LPCAT3: variants seen among roughly 807,000 people sequenced by gnomAD.
The protein encoded by LPCAT3 is lysophospholipid acyltransferase 5.
Under a neutral mutation model 63.4 loss-of-function variants are expected in LPCAT3, and 21 were observed. That is an observed-to-expected ratio of 0.33 (90% CI 0.23 to 0.48). The LOEUF is 0.48. LPCAT3 is among the 20% of genes least tolerant of loss of function. LPCAT3 has a pLI of 0.99. For missense variants in LPCAT3, 451 were observed against 590.6 expected, an observed-to-expected ratio of 0.76 and a Z score of 2.45; for synonymous variants, 242 against 227.5, an observed-to-expected ratio of 1.06 and a Z score of -0.58.
chr12:7,003,119 G>A (rs1565604861), intron 1 of LPCAT3, among the ~76,000 whole-genome samples: 1 of 152,054 alleles, frequency 6.6e-6, no homozygotes, highest in Non-Finnish European at 1.5e-5. Context: ...AGTAAAAATG[G>A]GCAAAGCACA....
intron 2 of LPCAT3, 196 bp downstream of exon 2, chr12:6,983,235 GT>G: frequency 1.9e-6 from 1 of 515,490 alleles, no homozygotes; most frequent in Non-Finnish European, 3.5e-6. Context: ...CCCTCAAAAT[GT>G]TTTTATCTGA....
intron 1 of LPCAT3, among the ~76,000 whole-genome samples, chr12:6,991,103 T>G (rs1248122556): frequency 6.6e-6 from 1 of 152,182 alleles, no homozygotes; most frequent in Non-Finnish European, 1.5e-5. Flanking sequence ...AGAATGCCAC[T>G]GTTTTACATT....
rs782113681 is a variant in LPCAT3 at position 6,980,999 on chromosome 12, A to G, written c.677+5T>C. On this transcript the variant is annotated splice_donor_5th_base_variant and intron_variant, in intron 6 of 12. Coordinates refer to ENST00000261407, the MANE Select transcript of LPCAT3 (RefSeq NM_005768.6). ...ACAAACATCTGGACCAAGAGGGGCAATTACCTGTTTGGTATCTTTCCTGGT... is the reference window on the plus strand; with the variant it reads ...ACAAACATCTGGACCAAGAGGGGCAGTTACCTGTTTGGTATCTTTCCTGGT... 1 of 1,582,562 alleles carries G rather than the reference A, an allele frequency of 6.3e-7. No homozygotes were observed. The highest frequency in any genetic ancestry group is 1.4e-5 in the African/African-American group (1 of 73,370).
At chr12:7,011,366 C>G (rs1317230804) in intron 1 of LPCAT3, among the ~76,000 whole-genome samples, 1 of 152,114 alleles carries the variant, frequency 6.6e-6, no homozygotes, top group East Asian at 1.9e-4. Flanking sequence ...AAATTCTTGG[C>G]CAGGGGCAAT....
At position 7,014,074 on chromosome 12, in the gene LPCAT3, A is replaced by G. The variant is rs148860008; in HGVS notation, c.151+4200T>C. Among the ~76,000 whole-genome samples, 260 of 152,350 alleles carry G rather than the reference A, an allele frequency of 1.7e-3. 1 individual carries two copies. In the South Asian group the frequency reaches 0.031, roughly 18 times the overall value. ...CTCATGCTATTCCTTAAGTCTTACC[A>G]TCTCAGCATGCTGAAACCTTACTCA... On this transcript the variant is annotated intron_variant, in intron 1 of 12. Transcript: ENST00000261407.
At chr12:6,994,012 C>A (rs1016541329) in intron 1 of LPCAT3, among the ~76,000 whole-genome samples, 3 of 152,172 alleles carry the variant, frequency 2.0e-5, no homozygotes, top group Non-Finnish European at 4.4e-5. Flanking sequence ...AACATTCATG[C>A]ATTTTGTAGA....
chr12:6,999,456 A>G (rs782474811), intron 1 of LPCAT3, among the ~76,000 whole-genome samples: 1 of 152,230 alleles, frequency 6.6e-6, no homozygotes, highest in Non-Finnish European at 1.5e-5. Flanking sequence ...CAACCCAGCC[A>G]AACAACCTAA....
chr12:6,983,687 A>G (rs1946494651), intron 1 of LPCAT3, 148 bp from the exon 2 acceptor site: 3 of 599,550 alleles, frequency 5.0e-6, no homozygotes, highest in Admixed American at 3.3e-5. Flanking sequence ...AGAGAAGGCA[A>G]TAACGGTATC....
chr12:6,981,933 C>T, intron 3 of LPCAT3, 29 bp from the exon 4 acceptor site: 3 of 1,112,738 alleles, frequency 2.7e-6, no homozygotes, highest in Non-Finnish European at 2.8e-6. Context: ...TTTATTCTAG[C>T]ATCACTACTA....
intron 1 of LPCAT3, among the ~76,000 whole-genome samples, chr12:6,994,582 T>G (rs1946620744): frequency 6.6e-6 from 1 of 152,192 alleles, no homozygotes; most frequent in African/African-American, 2.4e-5. Context: ...TCCTCCCACC[T>G]GAGCCTCCCT....
intron 1 of LPCAT3, among the ~76,000 whole-genome samples, chr12:6,989,313 G>GTTT (rs113013257): frequency 3.2e-5 from 4 of 126,458 alleles, no homozygotes; most frequent in Admixed American, 7.9e-5. Context: ...CAAAATGCGT[G>GTTT]TTTTTTTTTT....
intron 1 of LPCAT3, among the ~76,000 whole-genome samples, chr12:7,005,550 C>T (rs1014679330): frequency 1.3e-5 from 2 of 152,180 alleles, no homozygotes; most frequent in South Asian, 4.1e-4. Context: ...TTTACATTCC[C>T]ACCAGCAATG....
chr12:6,977,767 G>A lies in LPCAT3; in HGVS notation c.1041-22C>T. The A allele has an allele frequency of 2.5e-6, 4 of 1,613,528 alleles. No homozygotes were observed. The highest frequency in any genetic ancestry group is 3.4e-6 in the Non-Finnish European group (4 of 1,179,858). ...GTAGCTGGAGAAAAGGGTGGGTGGG[G>A]CGACCCTCAAACTGACTGGTCCTTG... On this transcript the variant is annotated intron_variant, in intron 9 of 12. Coordinates refer to ENST00000261407, the MANE Select transcript of LPCAT3 (RefSeq NM_005768.6). The surrounding 1 kb of genome is among the most constrained non-coding windows in gnomAD (Gnocchi z 4.5).
At position 7,018,315 on chromosome 12, in the gene LPCAT3, GCGC is replaced by G; in HGVS notation, c.107_109del (p.Gly36del). ...GATCAGCCGCAGCGCCTGTTCTGAC[GCGC>G]CCAGGGACGTCGCCAACTTGTTAAG... On this transcript the variant is annotated inframe_deletion, in exon 1 of 13. Transcript: ENST00000261407. The surrounding 1 kb of genome is among the most constrained non-coding windows in gnomAD (Gnocchi z 4.9). 6.2e-7 allele frequency: 1 copy of G among 1,609,196 alleles called. No homozygotes were observed. Among genetic ancestry groups the G allele is most frequent in the Non-Finnish European group, 8.5e-7 (1 of 1,178,092 alleles).
chr12:7,016,804 T>C (rs1946800125), intron 1 of LPCAT3, among the ~76,000 whole-genome samples: 1 of 152,192 alleles, frequency 6.6e-6, no homozygotes, highest in Admixed American at 6.5e-5. Context: ...AGGGTGCTGA[T>C]AAATTTGGAT....
In LPCAT3 at chr12:7,018,419, C is replaced by A; in HGVS notation, c.6G>T (p.Ala2=). M[A]SSAEGDEGTV... ...TCCCCTCGTCCCCCTCCGCTGAGGACGCCATCTTAACTCCGGGAGCCCCAC... is the reference window on the plus strand; with the variant it reads ...TCCCCTCGTCCCCCTCCGCTGAGGAAGCCATCTTAACTCCGGGAGCCCCAC... Residue 2 remains alanine (A), a synonymous_variant, in exon 1 of 13, where the codon GCG becomes GCT. Transcript: ENST00000261407. The surrounding 1 kb of genome is among the most constrained non-coding windows in gnomAD (Gnocchi z 4.9). The A allele has an allele frequency of 6.2e-7, 1 of 1,604,064 alleles. No homozygotes were observed.
chr12:6,984,022 C>G (rs967695673), intron 1 of LPCAT3, among the ~76,000 whole-genome samples: 1 of 152,164 alleles, frequency 6.6e-6, no homozygotes, highest in African/African-American at 2.4e-5. Context: ...CATCTATGCT[C>G]CAGAAACACT....
At chr12:7,016,350 C>T (rs1296267422) in intron 1 of LPCAT3, among the ~76,000 whole-genome samples, 1 of 151,226 alleles carries the variant, frequency 6.6e-6, no homozygotes, top group Non-Finnish European at 1.5e-5. Context: ...TAACTTGGCT[C>T]ACTACAACCT....
At chr12:6,999,033 G>A (rs1489602803) in intron 1 of LPCAT3, among the ~76,000 whole-genome samples, 11 of 152,182 alleles carry the variant, frequency 7.2e-5, no homozygotes, top group African/African-American at 2.7e-4. Flanking sequence ...AACCAGCTGT[G>A]TGCTCTTTTA....
Sources: gnomAD v4.1 joint callset for allele counts (sites outside exome capture counted in the v4.1 genomes callset) on GRCh38, gnomAD v4.1.1 for gene constraint, Gnocchi (gnomAD v3.1) non-coding constraint, MANE v1.5 for transcripts, NCBI Gene and HGNC (gene_info 2026-07-23, HGNC 2026-07-21) for gene names.